Variants in HMBOX1 observed in about 807,000 individuals in gnomAD.
The protein encoded by HMBOX1 is homeobox-containing protein 1.
HMBOX1 carries 14 observed loss-of-function variants against 54.5 expected under a neutral mutation model. The observed-to-expected ratio is 0.26, with a 90% CI of 0.17 to 0.40. The LOEUF (loss-of-function observed/expected upper bound fraction) is 0.40, where lower values mean the gene tolerates loss of function less well. Ranked by LOEUF, HMBOX1 falls within the 10% of genes least tolerant of loss-of-function variation. The probability of loss-of-function intolerance (pLI) is 1.00; values close to 1 mark genes in which losing one functional copy is unlikely to be tolerated. For synonymous variants in HMBOX1, 160 were observed against 181.0 expected, an observed-to-expected ratio of 0.88 and a Z score of 0.93; for missense variants, 332 against 514.4, an observed-to-expected ratio of 0.65 and a Z score of 3.43.
At chr8:28,933,706 G>A (rs1819892486) in intron 1 of HMBOX1, among the ~76,000 whole-genome samples, 1 of 152,122 alleles carries the variant, frequency 6.6e-6, no homozygotes, top group African/African-American at 2.4e-5. Context: ...TTGATAAATG[G>A]TCAGATTTCT....
chr8:28,941,749 C>T (rs78331616), intron 1 of HMBOX1, among the ~76,000 whole-genome samples: 2,361 of 152,252 alleles, frequency 0.016, 56 homozygotes, highest in East Asian at 0.053. Flanking sequence ...TTTCCTTTGG[C>T]GCTCTTGCCA....
intron 1 of HMBOX1, chr8:28,891,302 CA>C (rs1810889851): frequency 6.6e-6 from 1 of 152,346 alleles, no homozygotes; most frequent in Admixed American, 6.5e-5. Context: ...ATCTCCACCC[CA>C]AACTCCAGCC....
At chr8:28,983,856 T>A (rs1829784579) in intron 4 of HMBOX1, among the ~76,000 whole-genome samples, 1 of 152,216 alleles carries the variant, frequency 6.6e-6, no homozygotes, top group Non-Finnish European at 1.5e-5. Flanking sequence ...ATATCAGGCC[T>A]GGGGAATGAG....
intron 1 of HMBOX1, among the ~76,000 whole-genome samples, chr8:28,913,614 C>T (rs1344061122): frequency 6.6e-6 from 1 of 152,206 alleles, no homozygotes; most frequent in Non-Finnish European, 1.5e-5. Flanking sequence ...TGTTTTCCCA[C>T]TAGACTGTAA....
At chr8:28,992,869 CAAAAAAAAA>C (rs34488854) in intron 4 of HMBOX1, among the ~76,000 whole-genome samples, 3 of 57,252 alleles carry the variant, frequency 5.2e-5, no homozygotes, top group Admixed American at 2.9e-4. Context: ...GACTCTGTCT[CAAAAAAAAA>C]AAAAAAAAAA....
At chr8:28,924,191 C>T (rs1405047771) in intron 1 of HMBOX1, among the ~76,000 whole-genome samples, 4 of 150,866 alleles carry the variant, frequency 2.7e-5, no homozygotes, top group African/African-American at 9.8e-5. Flanking sequence ...ACTGCAAGCT[C>T]CGCCTCCCGG....
At chr8:28,926,194 C>G (rs1818422140) in intron 1 of HMBOX1, among the ~76,000 whole-genome samples, 1 of 151,904 alleles carries the variant, frequency 6.6e-6, no homozygotes, top group African/African-American at 2.4e-5. Context: ...CCCAGCTACT[C>G]AGGAGACTGA....
At chr8:28,890,751 T>C (rs990457945) in intron 1 of HMBOX1, 73 bp downstream of exon 1, 1 of 152,518 alleles carries the variant, frequency 6.6e-6, no homozygotes, top group Admixed American at 6.5e-5. Flanking sequence ...CTTAAAACAA[T>C]TTTTTTGGAG....
intron 1 of HMBOX1, among the ~76,000 whole-genome samples, chr8:28,905,655 G>T (rs1814185681): frequency 6.6e-6 from 1 of 152,198 alleles, no homozygotes; most frequent in Non-Finnish European, 1.5e-5. Context: ...TTCCTTTCAT[G>T]AAATGTACTT....
intron 1 of HMBOX1, among the ~76,000 whole-genome samples, chr8:28,937,882 C>T (rs201392761): frequency 7.8e-6 from 1 of 127,778 alleles, no homozygotes; most frequent in Admixed American, 7.9e-5. Context: ...TATTATGATA[C>T]TTAGTTTTTT....
At chr8:28,994,681 T>C (rs1470873648) in intron 4 of HMBOX1, among the ~76,000 whole-genome samples, 1 of 152,196 alleles carries the variant, frequency 6.6e-6, no homozygotes, top group Non-Finnish European at 1.5e-5. Flanking sequence ...AGATTCACAT[T>C]GACAGGTATT....
At chr8:28,950,526 C>G (rs1563450984) in intron 1 of HMBOX1, among the ~76,000 whole-genome samples, 1 of 152,200 alleles carries the variant, frequency 6.6e-6, no homozygotes, top group Non-Finnish European at 1.5e-5. Context: ...ATATTGTAAA[C>G]AGTGGCGGCT....
At chr8:28,971,029 C>G (rs909128837) in intron 3 of HMBOX1, among the ~76,000 whole-genome samples, 2 of 134,670 alleles carry the variant, frequency 1.5e-5, no homozygotes, top group South Asian at 4.7e-4. Flanking sequence ...CACACACACA[C>G]ATTGTCTTTT....
At chr8:28,957,733 C>T (rs922898183) in intron 1 of HMBOX1, among the ~76,000 whole-genome samples, 3 of 152,216 alleles carry the variant, frequency 2.0e-5, no homozygotes, top group East Asian at 3.8e-4. Context: ...GGCGATTCGC[C>T]TGCCTCAGCC....
chr8:28,951,373 C>T (rs947043618), intron 1 of HMBOX1, among the ~76,000 whole-genome samples: 1 of 152,120 alleles, frequency 6.6e-6, no homozygotes, highest in South Asian at 2.1e-4. Flanking sequence ...CCTTATGATC[C>T]GCCCACCTCA....
At chr8:29,019,296 G>A (rs1447673288) in intron 6 of HMBOX1, among the ~76,000 whole-genome samples, 1 of 152,122 alleles carries the variant, frequency 6.6e-6, no homozygotes, top group Non-Finnish European at 1.5e-5. Flanking sequence ...TTAATAAGGA[G>A]TATGGTCTAA....
intron 1 of HMBOX1, among the ~76,000 whole-genome samples, chr8:28,926,008 A>C (rs1440239953): frequency 6.6e-6 from 1 of 152,082 alleles, no homozygotes; most frequent in East Asian, 1.9e-4. Context: ...TTACAGTAAA[A>C]TGAACCTGGG....
At chr8:29,019,591 A>G (rs544875409) in intron 6 of HMBOX1, among the ~76,000 whole-genome samples, 1 of 152,322 alleles carries the variant, frequency 6.6e-6, no homozygotes, top group Non-Finnish European at 1.5e-5. Context: ...TTTTGTTTAT[A>G]TGCAATTAGG....
rs754902444 is a variant in HMBOX1, at chr8:29,051,158, A to G, written c.*3A>G. The G allele has an allele frequency of 1.2e-6, 2 of 1,613,612 alleles. No individual in the cohort carries two copies. The highest frequency in any genetic ancestry group is 1.7e-6 in the Non-Finnish European group (2 of 1,179,858). Reference sequence around the variant, plus strand: ...CAGAGGCCCTGGATGATGACTGATCAGGGAGGTTAAACATGACAAGTTAAC... The same window carrying G: ...CAGAGGCCCTGGATGATGACTGATCGGGGAGGTTAAACATGACAAGTTAAC... On this transcript the variant is annotated 3_prime_UTR_variant, in exon 10 of 10. Coordinates refer to ENST00000287701, the MANE Select transcript of HMBOX1 (RefSeq NM_001135726.3).
Sources: allele counts gnomAD v4.1 joint callset (sites outside exome capture counted in the v4.1 genomes callset), GRCh38; gene constraint gnomAD v4.1.1; transcripts MANE v1.5; gene names NCBI Gene and HGNC (gene_info 2026-07-23, HGNC 2026-07-21).